BNIPL: variants seen among roughly 807,000 people sequenced by gnomAD.
The protein encoded by BNIPL is bcl-2/adenovirus E1B 19 kDa-interacting protein 2-like protein.
BNIPL carries 33 observed loss-of-function variants against 47.0 expected under a neutral mutation model. That is an observed-to-expected ratio of 0.70 (90% CI 0.53 to 0.94). The LOEUF is 0.94. BNIPL is among the 40% of genes least tolerant of loss of function. BNIPL has a pLI of 0.00. For missense variants in BNIPL, 404 were observed against 445.2 expected (o/e 0.91, Z 0.83); for synonymous variants, 145 against 162.7 (o/e 0.89, Z 0.83).
chr1:151,046,817 G>T lies in BNIPL; in HGVS notation c.*130G>T. Reference sequence around the variant, plus strand: ...TACCACCGGATCTTCACTTCTCAGTGGGATTTTGTCCTTTGCATGACCCTA... The same window carrying T: ...TACCACCGGATCTTCACTTCTCAGTTGGATTTTGTCCTTTGCATGACCCTA... On this transcript the variant is annotated 3_prime_UTR_variant, in exon 10 of 10. Coordinates refer to ENST00000368931, the MANE Select transcript of BNIPL (RefSeq NM_138278.4). The T allele has an allele frequency of 1.3e-6, 1 of 755,782 alleles. No individual in the cohort carries two copies. Among genetic ancestry groups the T allele is most frequent in the South Asian group, 2.0e-5 (1 of 49,468 alleles). 46.8% of individuals were successfully genotyped at this position (755,782 alleles called of 1,614,324 possible).
At chr1:151,039,342 A>G (rs1441616288) in intron 4 of BNIPL, among the ~76,000 whole-genome samples, 1 of 152,226 alleles carries the variant, frequency 6.6e-6, no homozygotes, top group Non-Finnish European at 1.5e-5. Context: ...GGAAATAAAC[A>G]TATATAAAAA....
intron 7 of BNIPL, among the ~76,000 whole-genome samples, chr1:151,044,651 T>G (rs1675943524): frequency 6.6e-6 from 1 of 151,872 alleles, no homozygotes; most frequent in African/African-American, 2.4e-5. Context: ...GACAGGGTTT[T>G]GCCATGTTTC....
At chr1:151,040,795 CA>C (rs202172688) in intron 4 of BNIPL, among the ~76,000 whole-genome samples, 88,211 of 121,908 alleles carry the variant, frequency 0.72, 29,702 homozygotes, top group East Asian at 0.91. Context: ...AACTCCATCT[CA>C]AAAAAAAAAA....
intron 7 of BNIPL, among the ~76,000 whole-genome samples, chr1:151,044,523 G>A (rs7366148): frequency 0.81 from 122,596 of 152,002 alleles, 49,468 homozygotes; most frequent in East Asian, 0.91. Context: ...GCTCGCTGCA[G>A]CCTCTCCCTC....
rs1367040903 is a variant in BNIPL at position 151,043,684 on chromosome 1, C to T, written c.808C>T (p.Pro270Ser). The change falls in exon 7 of 10, where the codon CCT becomes TCT. Residue 270 changes from proline to serine, a missense_variant. Pro to Ser is a moderately conservative substitution (Grantham distance 74, BLOSUM62 -1). Transcript: ENST00000368931. Reference sequence around the variant, plus strand: ...AGGCACAAGCAGGGCCCAAGTTCCACCTCTAAGCTGGATACGTCAGTGTTA... The same window carrying T: ...AGGCACAAGCAGGGCCCAAGTTCCATCTCTAAGCTGGATACGTCAGTGTTA... ...SGGTSRAQVP[P>S]LSWIRQCYRT... 1.2e-6 allele frequency: 2 copies of T among 1,613,948 alleles called. No individual in the cohort carries two copies. The highest frequency in any genetic ancestry group is 1.7e-6 in the Non-Finnish European group (2 of 1,179,812).
At chr1:151,039,551 C>T (rs1484298607) in intron 4 of BNIPL, among the ~76,000 whole-genome samples, 1 of 152,008 alleles carries the variant, frequency 6.6e-6, no homozygotes, top group East Asian at 1.9e-4. Flanking sequence ...GCAGAAGCAA[C>T]TCAAGCAATA....
At position 151,041,553 on chromosome 1, in the gene BNIPL, C is replaced by T. The variant is rs182326054; in HGVS notation, c.434-1403C>T. 1.1e-4 allele frequency among the ~76,000 whole-genome samples: 16 copies of T among 152,072 alleles called. No individual in the cohort carries two copies. In the East Asian group the frequency reaches 1.7e-3, roughly 17 times the overall value. On this transcript the variant is annotated intron_variant, in intron 4 of 9. Transcript: ENST00000368931. ...GGTCAAAGCTGCAGTGAGCAAAGGTCGAGCCACTGTACTCCAGCTTGGATA... is the reference window on the plus strand; with the variant it reads ...GGTCAAAGCTGCAGTGAGCAAAGGTTGAGCCACTGTACTCCAGCTTGGATA...
intron 4 of BNIPL, among the ~76,000 whole-genome samples, chr1:151,041,605 A>G (rs1418465946): frequency 2.0e-5 from 3 of 152,112 alleles, no homozygotes; most frequent in African/African-American, 7.2e-5. Flanking sequence ...TCTCTAAAAG[A>G]AAACAACAAC....
chr1:151,045,348 G>A (rs1344004761), intron 7 of BNIPL, among the ~76,000 whole-genome samples: 6 of 149,460 alleles, frequency 4.0e-5, no homozygotes, highest in Non-Finnish European at 7.4e-5. Flanking sequence ...GAGGCGGGCA[G>A]ATCACGAGGT....
intron 7 of BNIPL, chr1:151,044,876 C>G (rs587633811): frequency 7.8e-7 from 1 of 1,289,058 alleles, no homozygotes; most frequent in East Asian, 5.5e-5. Flanking sequence ...CTTCTTCCAC[C>G]TAGAGTTTTA....
chr1:151,046,262 G>T (rs962364876), intron 9 of BNIPL, 97 bp downstream of exon 9: 13 of 1,513,298 alleles, frequency 8.6e-6, no homozygotes, highest in Non-Finnish European at 9.7e-6. Flanking sequence ...AGAACGAAAA[G>T]CTAGAGGGCC....
rs773778205 is a variant in BNIPL, at chr1:151,043,357, T to C, written c.642T>C (p.Ala214=). 3 of 1,610,914 alleles carry C rather than the reference T, an allele frequency of 1.9e-6. No homozygotes were observed. Among genetic ancestry groups the C allele is most frequent in the South Asian group, 2.2e-5 (2 of 91,024 alleles). ...HGGYHGDGLN[A]VILFASCYLP... ...GTTACCACGGTGATGGCCTCAATGCTGTCATCCTTTTTGCTTCCTGTTATC... is the reference window on the plus strand; with the variant it reads ...GTTACCACGGTGATGGCCTCAATGCCGTCATCCTTTTTGCTTCCTGTTATC... The change falls in exon 6 of 10, where the codon GCT becomes GCC. Residue 214 remains alanine (A), a synonymous_variant. Coordinates refer to ENST00000368931, the MANE Select transcript of BNIPL (RefSeq NM_138278.4).
intron 4 of BNIPL, among the ~76,000 whole-genome samples, chr1:151,042,101 G>A (rs1391176157): frequency 6.6e-6 from 1 of 151,104 alleles, no homozygotes; most frequent in Non-Finnish European, 1.5e-5. Flanking sequence ...TATTTTTTTA[G>A]AGACAAAGTC....
intron 2 of BNIPL, 23 bp from the exon 3 acceptor site, chr1:151,038,481 C>T (rs1675705797): frequency 6.3e-7 from 1 of 1,588,442 alleles, no homozygotes; most frequent in African/African-American, 1.4e-5. Flanking sequence ...ATGTCTGCCG[C>T]CTTTTAATCT....
rs780170161 is a variant in BNIPL at position 151,038,576 on chromosome 1, AAGT to A, written c.202+11_202+13del. 43 of 1,612,438 alleles carry A rather than the reference AAGT, an allele frequency of 2.7e-5. No homozygotes were observed. In the South Asian group the frequency reaches 2.7e-4, roughly 10 times the overall value. ...AAGGAGATTCACAGGCAGGTAGGTCAAGTAGAAACCAGGCCTCAAGTTCTTGAT... is the reference window on the plus strand; with the variant it reads ...AAGGAGATTCACAGGCAGGTAGGTCAAGAAACCAGGCCTCAAGTTCTTGAT... On this transcript the variant is annotated intron_variant, in intron 3 of 9. Transcript: ENST00000368931.
In BNIPL at chr1:151,038,539, C is replaced by T. The variant is rs1386081418; in HGVS notation, c.173C>T (p.Pro58Leu). The T allele has an allele frequency of 1.2e-6, 2 of 1,613,874 alleles. No homozygotes were observed. The highest frequency in any genetic ancestry group is 3.3e-5 in the Admixed American group (2 of 59,994). ...LPEEAGTSEDPEDPKGDSQAA... is the reference protein window; with the variant it reads ...LPEEAGTSEDLEDPKGDSQAA... Reference sequence around the variant, plus strand: ...GAGGAGGCTGGCACTTCTGAAGATCCTGAAGACCCTAAAGGAGATTCACAG... The same window carrying T: ...GAGGAGGCTGGCACTTCTGAAGATCTTGAAGACCCTAAAGGAGATTCACAG... Residue 58 changes from proline to leucine, a missense_variant, in exon 3 of 10, where the codon CCT becomes CTT. Physicochemically the swap from Pro to Leu is moderately conservative, Grantham distance 98. Coordinates refer to ENST00000368931, the MANE Select transcript of BNIPL (RefSeq NM_138278.4).
rs373674714 is a variant in BNIPL, at chr1:151,043,175, G to A, written c.616+37G>A. 23 of 1,585,920 alleles carry A rather than the reference G, an allele frequency of 1.5e-5. No homozygotes were observed. In the South Asian group the frequency reaches 2.6e-4, roughly 18 times the overall value. On this transcript the variant is annotated intron_variant, in intron 5 of 9. Transcript: ENST00000368931. ...CATAATGCAGGTGTTAAGAGCTATG[G>A]CTTCTTAATAAAATGCCTAAGCTGG...
intron 4 of BNIPL, 81 bp from the exon 5 acceptor site, chr1:151,042,875 A>G: frequency 8.5e-7 from 1 of 1,179,048 alleles, no homozygotes; most frequent in Non-Finnish European, 1.2e-6. Flanking sequence ...TTAGAGTAAC[A>G]AACTAGGAAT....
chr1:151,037,728 C>T lies in BNIPL; in HGVS notation c.137+66C>T, dbSNP rs868341689. ...TCACGAATGGACGGAGGGGATGGCG[C>T]GGCGGCTCATGGCTGTAATCCCAGC... On this transcript the variant is annotated intron_variant, in intron 2 of 9. Coordinates refer to ENST00000368931, the MANE Select transcript of BNIPL (RefSeq NM_138278.4). 36 of 1,397,998 alleles carry T rather than the reference C, an allele frequency of 2.6e-5. No homozygotes were observed. The Middle Eastern group carries it at 9.1e-4, about 35-fold the overall frequency. 86.6% of individuals were successfully genotyped at this position (1,397,998 alleles called of 1,614,324 possible).
Sources: gnomAD v4.1 joint callset for allele counts (sites outside exome capture counted in the v4.1 genomes callset) on GRCh38, gnomAD v4.1.1 for gene constraint, MANE v1.5 for transcripts, NCBI Gene and HGNC (gene_info 2026-07-23, HGNC 2026-07-21) for gene names.